Variants in MYO3B observed in about 807,000 individuals in gnomAD.
The protein encoded by MYO3B is myosin IIIB.
In MYO3B, 156 loss-of-function variants were observed where a neutral mutation model predicts 174.6. The ratio of observed to expected loss-of-function variants is 0.89; its 90% CI spans 0.78 to 1.02. The LOEUF (loss-of-function observed/expected upper bound fraction) is 1.02, where lower values mean the gene tolerates loss of function less well. MYO3B is among the 50% of genes least tolerant of loss of function. The probability of loss-of-function intolerance (pLI) is 0.00; values close to 1 mark genes in which losing one functional copy is unlikely to be tolerated. For missense variants in MYO3B, 1,632 were observed against 1,639.4 expected (o/e 1.00, Z 0.08); for synonymous variants, 563 against 569.1 (o/e 0.99, Z 0.15).
intron 16 of MYO3B, among the ~76,000 whole-genome samples, chr2:170,399,322 A>G (rs1459147831): frequency 4.0e-5 from 6 of 149,456 alleles, no homozygotes; most frequent in African/African-American, 1.5e-4. Flanking sequence ...AAAAATACCA[A>G]AAAGAGCTGA....
Position 170,315,081 on chromosome 2 carries a change from T to C in MYO3B, c.750-20304T>C, listed in dbSNP as rs762474015. ...CAAATTACAGGCATCCTGTTGTTCT[T>C]AATGTTTTATTCTGTTGGTTTATGA... On this transcript the variant is annotated intron_variant, in intron 7 of 34. Transcript: ENST00000408978. 4.6e-5 allele frequency among the ~76,000 whole-genome samples: 7 copies of C among 152,354 alleles called. No individual in the cohort carries two copies. The South Asian group carries it at 6.2e-4, about 14-fold the overall frequency.
At chr2:170,430,489 A>T (rs1171499646) in intron 22 of MYO3B, among the ~76,000 whole-genome samples, 1 of 150,966 alleles carries the variant, frequency 6.6e-6, no homozygotes, top group African/African-American at 2.4e-5. Context: ...CTCCTACCTC[A>T]GCCTCCTGAG....
chr2:170,601,926 G>C, intron 32 of MYO3B: 1 of 827,320 alleles, frequency 1.2e-6, no homozygotes, highest in Non-Finnish European at 2.0e-6. Flanking sequence ...ACAGCAAAAA[G>C]GCCGAAGGAG....
intron 32 of MYO3B, among the ~76,000 whole-genome samples, chr2:170,547,046 G>A (rs1319395422): frequency 1.3e-5 from 2 of 152,016 alleles, no homozygotes; most frequent in African/African-American, 2.4e-5. Flanking sequence ...CTGGCACGGC[G>A]TGGTGGCTCA....
intron 32 of MYO3B, among the ~76,000 whole-genome samples, chr2:170,595,929 G>A (rs1192777761): frequency 6.6e-6 from 1 of 152,146 alleles, no homozygotes; most frequent in Non-Finnish European, 1.5e-5. Flanking sequence ...AAATGTAGTT[G>A]CATCTTAGTG....
chr2:170,385,711 G>C (rs7608071), intron 12 of MYO3B: 81,077 of 151,996 alleles, frequency 0.53, 21,882 homozygotes, highest in Admixed American at 0.6. Flanking sequence ...ATTTTTTTAA[G>C]CTATTAGATT....
chr2:170,293,491 T>C (rs918747557), intron 7 of MYO3B, among the ~76,000 whole-genome samples: 2 of 152,188 alleles, frequency 1.3e-5, no homozygotes, highest in African/African-American at 4.8e-5. Flanking sequence ...TTTTTGGTGG[T>C]AATACTCTGT....
chr2:170,231,920 T>C (rs889256106), intron 6 of MYO3B, among the ~76,000 whole-genome samples: 5 of 152,206 alleles, frequency 3.3e-5, no homozygotes, highest in African/African-American at 4.8e-5. Context: ...ACTTTATAGA[T>C]AGAGAGAGGT....
chr2:170,555,709 A>C (rs1294786968), intron 32 of MYO3B, among the ~76,000 whole-genome samples: 1 of 151,694 alleles, frequency 6.6e-6, no homozygotes, highest in Non-Finnish European at 1.5e-5. Context: ...CTGTCTCTAC[A>C]AAAAATTTAA....
chr2:170,572,255 C>G (rs1452547828), intron 32 of MYO3B, among the ~76,000 whole-genome samples: 1 of 152,116 alleles, frequency 6.6e-6, no homozygotes, highest in African/African-American at 2.4e-5. Flanking sequence ...TGGTGAAACC[C>G]CGTCTCTACT....
At chr2:170,538,750 G>A (rs1689887226) in intron 30 of MYO3B, among the ~76,000 whole-genome samples, 1 of 152,192 alleles carries the variant, frequency 6.6e-6, no homozygotes, top group Non-Finnish European at 1.5e-5. Context: ...CAGCGAAGCG[G>A]TCGAGCCCTG....
intron 25 of MYO3B, among the ~76,000 whole-genome samples, chr2:170,470,979 T>C (rs1684944542): frequency 1.3e-5 from 2 of 151,864 alleles, no homozygotes; most frequent in South Asian, 4.2e-4. Flanking sequence ...ATATTTTCTC[T>C]CTCTCTCTCT....
intron 32 of MYO3B, among the ~76,000 whole-genome samples, chr2:170,608,629 G>A (rs535086419): frequency 8.8e-4 from 134 of 151,936 alleles, no homozygotes; most frequent in Non-Finnish European, 1.5e-3. Flanking sequence ...AACTTTGCTC[G>A]TGGTCCCAGT....
chr2:170,532,897 T>C (rs936661889), intron 30 of MYO3B, among the ~76,000 whole-genome samples: 4 of 151,800 alleles, frequency 2.6e-5, no homozygotes, highest in African/African-American at 7.3e-5. Context: ...TGTTTGTATG[T>C]GTATATATCA....
chr2:170,267,988 A>C (rs944432118), intron 7 of MYO3B, among the ~76,000 whole-genome samples: 11 of 152,096 alleles, frequency 7.2e-5, no homozygotes, highest in African/African-American at 2.2e-4. Context: ...CGGGTGGATT[A>C]CCTGAGGTCA....
intron 32 of MYO3B, among the ~76,000 whole-genome samples, chr2:170,650,672 CTTTTTTTTTTTTTTT>C (rs766676996): frequency 6.5e-5 from 5 of 76,992 alleles, no homozygotes; most frequent in East Asian, 4.3e-4. Flanking sequence ...TGAATTATGA[CTTTTTTTTTTTTTTT>C]TTTTTTTTTT....
intron 25 of MYO3B, among the ~76,000 whole-genome samples, chr2:170,488,508 G>A (rs1686216552): frequency 1.3e-5 from 2 of 152,002 alleles, no homozygotes; most frequent in Admixed American, 1.3e-4. Context: ...AATCATGACT[G>A]GCATACAGAA....
At chr2:170,305,276 A>G (rs1411028578) in intron 7 of MYO3B, among the ~76,000 whole-genome samples, 1 of 152,182 alleles carries the variant, frequency 6.6e-6, no homozygotes, top group East Asian at 1.9e-4. Flanking sequence ...CGTTACATAC[A>G]CATAGATATG....
At chr2:170,409,947 A>C (rs2094534840) in intron 22 of MYO3B, among the ~76,000 whole-genome samples, 1 of 152,214 alleles carries the variant, frequency 6.6e-6, no homozygotes, top group Admixed American at 6.5e-5. Flanking sequence ...CAGCCTTTGA[A>C]GATGGGAAAC....
Sources: allele counts gnomAD v4.1 joint callset (sites outside exome capture counted in the v4.1 genomes callset), GRCh38; gene constraint gnomAD v4.1.1; transcripts MANE v1.5; gene names NCBI Gene and HGNC (gene_info 2026-07-23, HGNC 2026-07-21).